SLC24A2: variants seen among roughly 807,000 people sequenced by gnomAD.
SLC24A2 encodes sodium/potassium/calcium exchanger 2.
In SLC24A2, 36 loss-of-function variants were observed where a neutral mutation model predicts 62.0. The observed-to-expected ratio is 0.58, with a 90% confidence interval of 0.44 to 0.77. The LOEUF is 0.77. Ranked by LOEUF, SLC24A2 falls within the 30% of genes least tolerant of loss-of-function variation. The pLI is 0.00. For missense variants in SLC24A2, 846 were observed against 817.9 expected (o/e 1.03, Z -0.42); for synonymous variants, 358 against 294.0 (o/e 1.22, Z -2.23).
chr9:19,592,414 C>T (rs1836579436), intron 5 of SLC24A2, among the ~76,000 whole-genome samples: 1 of 152,090 alleles, frequency 6.6e-6, no homozygotes, highest in South Asian at 2.1e-4. Context: ...TAGGACAATA[C>T]AATGGAGACA....
At chr9:20,008,319 C>T in the SLC24A2 span, among the ~76,000 whole-genome samples, 9 of 152,062 alleles carry the variant, frequency 5.9e-5, no homozygotes, top group South Asian at 4.1e-4. Flanking sequence ...TGAGGTGTCT[C>T]GCTGGCTGTC....
At chr9:20,113,541 A>C in the SLC24A2 span, among the ~76,000 whole-genome samples, 4 of 152,162 alleles carry the variant, frequency 2.6e-5, no homozygotes, top group Non-Finnish European at 5.9e-5. Context: ...TTTTAACTGA[A>C]ATGTCCACTT....
intron 5 of SLC24A2, among the ~76,000 whole-genome samples, chr9:19,585,535 G>C (rs1295614081): frequency 2.6e-5 from 4 of 152,206 alleles, no homozygotes; most frequent in Admixed American, 1.3e-4. Context: ...TGAGAACTAT[G>C]TGTGCTTATG....
intron 2 of SLC24A2, among the ~76,000 whole-genome samples, chr9:19,657,711 C>A (rs1434008462): frequency 6.6e-6 from 1 of 152,128 alleles, no homozygotes; most frequent in Non-Finnish European, 1.5e-5. Flanking sequence ...CACTGCAGAA[C>A]CCTCAGTCTT....
the SLC24A2 span, among the ~76,000 whole-genome samples, chr9:19,919,873 C>T: frequency 3.3e-5 from 5 of 152,112 alleles, no homozygotes; most frequent in African/African-American, 7.2e-5. Context: ...TACCTCCCAC[C>T]GGGTCCCTGC....
intron 2 of SLC24A2, among the ~76,000 whole-genome samples, chr9:19,642,483 C>A (rs1272623660): frequency 1.3e-5 from 2 of 152,084 alleles, no homozygotes; most frequent in East Asian, 3.9e-4. Flanking sequence ...GTACAAAAAT[C>A]ACAGGGTCAA....
chr9:20,171,314 C>A, the SLC24A2 span, among the ~76,000 whole-genome samples: 1,921 of 145,252 alleles, frequency 0.013, 23 homozygotes, highest in South Asian at 0.033. Context: ...TAAAAAAAAA[C>A]AAGGTATACA....
At chr9:19,519,349 T>TTGTGTGTGTGTGTGTGTGTGTGTGTGTG (rs10640008) in intron 10 of SLC24A2, among the ~76,000 whole-genome samples, 2 of 147,582 alleles carry the variant, frequency 1.4e-5, no homozygotes, top group African/African-American at 5.0e-5. Context: ...TTAAACTTCC[T>TTGTGTGTGTGTGTGTGTGTGTGTGTGTG]TGTGTGTGTG....
the SLC24A2 span, among the ~76,000 whole-genome samples, chr9:19,995,932 A>G: frequency 6.6e-6 from 1 of 152,228 alleles, no homozygotes; most frequent in East Asian, 1.9e-4. Context: ...CTTAGAGGCT[A>G]TCTGGGGAGA....
At chr9:20,234,032 T>C in the SLC24A2 span, among the ~76,000 whole-genome samples, 1 of 152,262 alleles carries the variant, frequency 6.6e-6, no homozygotes, top group African/African-American at 2.4e-5. Flanking sequence ...AATTATTTTC[T>C]TTAAAAATGT....
the SLC24A2 span, among the ~76,000 whole-genome samples, chr9:20,104,250 A>G: frequency 5.7e-4 from 87 of 152,362 alleles, no homozygotes; most frequent in African/African-American, 2.0e-3. Flanking sequence ...GATGGGGAGA[A>G]TGGAACCAAG....
the SLC24A2 span, among the ~76,000 whole-genome samples, chr9:20,066,239 A>T: frequency 6.6e-6 from 1 of 152,218 alleles, no homozygotes; most frequent in Non-Finnish European, 1.5e-5. Flanking sequence ...GGCTATTTTT[A>T]AAAAGGCATT....
chr9:20,077,245 A>C, the SLC24A2 span, among the ~76,000 whole-genome samples: 22 of 152,206 alleles, frequency 1.4e-4, no homozygotes, highest in Middle Eastern at 3.4e-3. Flanking sequence ...ACTACTTAAT[A>C]AATTGTATTG....
At chr9:20,073,106 A>G in the SLC24A2 span, among the ~76,000 whole-genome samples, 2 of 152,172 alleles carry the variant, frequency 1.3e-5, no homozygotes, top group South Asian at 4.1e-4. Flanking sequence ...CCGTTTTTGT[A>G]GGTCAGGAAT....
the SLC24A2 span, among the ~76,000 whole-genome samples, chr9:19,800,460 T>C: frequency 6.6e-6 from 1 of 152,242 alleles, no homozygotes; most frequent in African/African-American, 2.4e-5. Flanking sequence ...AAAAATTCTT[T>C]CAATTTGTCC....
chr9:19,544,179 G>T (rs202111399), intron 8 of SLC24A2, among the ~76,000 whole-genome samples: 1 of 151,400 alleles, frequency 6.6e-6, no homozygotes, highest in African/African-American at 2.4e-5. Flanking sequence ...TTTACCATTA[G>T]GTAATGGCCT....
At chr9:19,700,618 C>T (rs183579843) in intron 2 of SLC24A2, among the ~76,000 whole-genome samples, 6 of 152,282 alleles carry the variant, frequency 3.9e-5, no homozygotes, top group Admixed American at 3.9e-4. Context: ...ACTCTAAGCA[C>T]TTTCCTTTAG....
chr9:20,020,418 G>T, the SLC24A2 span, among the ~76,000 whole-genome samples: 1 of 152,172 alleles, frequency 6.6e-6, no homozygotes, highest in Non-Finnish European at 1.5e-5. Flanking sequence ...CATGTCCTTT[G>T]CAAGGACATG....
the SLC24A2 span, among the ~76,000 whole-genome samples, chr9:19,800,123 G>A: frequency 6.6e-6 from 1 of 152,072 alleles, no homozygotes; most frequent in Admixed American, 6.5e-5. Context: ...TGGATTTAGA[G>A]CCCACTCTAA....
Sources: gnomAD v4.1 joint callset for allele counts (sites outside exome capture counted in the v4.1 genomes callset) on GRCh38, gnomAD v4.1.1 for gene constraint, MANE v1.5 for transcripts, NCBI Gene and HGNC (gene_info 2026-07-23, HGNC 2026-07-21) for gene names.